The following MCF2L2 variants were observed in gnomAD, a reference collection of about 807,000 sequenced individuals.
MCF2L2 encodes the protein MCF.2 cell line derived transforming sequence-like 2.
Under a neutral mutation model 150.2 loss-of-function variants are expected in MCF2L2, and 102 were observed. The observed-to-expected ratio is 0.68, with a 90% CI of 0.58 to 0.80. MCF2L2 has a LOEUF of 0.80. Ranked by LOEUF, MCF2L2 falls within the 30% of genes least tolerant of loss-of-function variation. The pLI is 0.00. For missense variants in MCF2L2, 1,256 were observed against 1,372.8 expected, an observed-to-expected ratio of 0.91 and a Z score of 1.34; for synonymous variants, 465 against 491.3, an observed-to-expected ratio of 0.95 and a Z score of 0.71.
intron 22 of MCF2L2, among the ~76,000 whole-genome samples, chr3:183,209,746 C>A (rs1008226625): frequency 2.0e-5 from 3 of 152,164 alleles, no homozygotes; most frequent in Non-Finnish European, 4.4e-5. Context: ...ACCTCAGCCT[C>A]CCAAAGTGCT....
chr3:183,371,465 CT>C (rs56835227), intron 3 of MCF2L2, among the ~76,000 whole-genome samples: 1,367 of 126,014 alleles, frequency 0.011, 16 homozygotes, highest in East Asian at 0.069. Flanking sequence ...TCTGAGAAGC[CT>C]TTTTTTTTTT....
intron 3 of MCF2L2, among the ~76,000 whole-genome samples, chr3:183,365,730 T>C (rs186204449): frequency 1.3e-5 from 2 of 152,148 alleles, no homozygotes; most frequent in Non-Finnish European, 2.9e-5. Flanking sequence ...AAAATTCAGA[T>C]ACAATAAAAG....
chr3:183,392,238 C>G (rs1714196204), intron 1 of MCF2L2, among the ~76,000 whole-genome samples: 1 of 152,188 alleles, frequency 6.6e-6, no homozygotes, highest in Non-Finnish European at 1.5e-5. Flanking sequence ...TTTCAAATGA[C>G]AACATGGAGA....
Position 183,181,391 on chromosome 3 carries a change from AG to A in MCF2L2, c.3017-1233del, listed in dbSNP as rs1721515614. The stretch of plus-strand genomic sequence containing the variant: ...TCCTGCCTGACTCTGGCAGGCTCCG[AG>A]GGGGCTGGACACCCTCCTCTCAGGT... On this transcript the variant is annotated intron_variant, in intron 27 of 29. Coordinates refer to ENST00000328913, the MANE Select transcript of MCF2L2 (RefSeq NM_015078.4). This position sits in a 1 kb window ranked among gnomAD's most constrained non-coding sequence, Gnocchi z 4.3. 5.3e-5 allele frequency among the ~76,000 whole-genome samples: 8 copies of A among 151,736 alleles called. No individual in the cohort carries two copies. The South Asian group carries it at 1.7e-3, about 32-fold the overall frequency.
At chr3:183,218,304 C>G (rs1723018776) in intron 21 of MCF2L2, among the ~76,000 whole-genome samples, 1 of 152,204 alleles carries the variant, frequency 6.6e-6, no homozygotes. Context: ...AGAAAACAGA[C>G]TCTCACCTGA....
chr3:183,297,145 C>A lies in MCF2L2; in HGVS notation c.1328G>T (p.Gly443Val), dbSNP rs776017101. 6.2e-7 allele frequency: 1 copy of A among 1,614,056 alleles called. No individual in the cohort carries two copies. Among genetic ancestry groups the A allele is most frequent in the African/African-American group, 1.3e-5 (1 of 75,036 alleles). Reference protein sequence around the residue: ...LDKVSQWCEAGIYLLASQAVD... With the variant: ...LDKVSQWCEAVIYLLASQAVD... ...AGCTTGGGAAGCCAAGAGGTAGATT[C>A]CTGCCTCACACCATTGGCTGACCTT... is the stretch of plus-strand genomic sequence containing the variant. The change falls in exon 12 of 30, where the codon GGA (glycine) becomes GTA (valine). Residue 443 changes from glycine (G) to valine (V), a missense_variant. By Grantham distance (109) the Gly-to-Val change is moderately radical. Transcript: ENST00000328913.
At chr3:183,353,368 C>T (rs892456299) in intron 3 of MCF2L2, among the ~76,000 whole-genome samples, 15 of 152,168 alleles carry the variant, frequency 9.9e-5, no homozygotes, top group Non-Finnish European at 1.2e-4. Context: ...CTGCAAGATG[C>T]CCACCCAGTT....
chr3:183,191,826 GTTTA>G (rs1031312596), intron 27 of MCF2L2, among the ~76,000 whole-genome samples: 4 of 151,946 alleles, frequency 2.6e-5, no homozygotes, highest in African/African-American at 4.8e-5. Context: ...GCCATTGTTT[GTTTA>G]TTTATTTATT....
Position 183,305,039 on chromosome 3 carries a change from A to C in MCF2L2, c.1113+4677T>G, listed in dbSNP as rs149124855. Reference sequence around the variant, plus strand: ...CCAGGCACTGTTCTGAATGCTTTACATTTGCTTATTTCCTTAACTCTTCAC... The same window carrying C: ...CCAGGCACTGTTCTGAATGCTTTACCTTTGCTTATTTCCTTAACTCTTCAC... On this transcript the variant is annotated intron_variant, in intron 10 of 29. Coordinates refer to ENST00000328913, the MANE Select transcript of MCF2L2 (RefSeq NM_015078.4). This position sits in a 1 kb window ranked among gnomAD's most constrained non-coding sequence, Gnocchi z 4.1. Among the ~76,000 whole-genome samples the C allele has an allele frequency of 7.0e-3, 1,067 of 152,214 alleles. 12 individuals are homozygous for C. The highest frequency in any genetic ancestry group is 0.024 in the African/African-American group (981 of 41,536).
chr3:183,404,418 C>T (rs1240318266), intron 1 of MCF2L2, among the ~76,000 whole-genome samples: 1 of 152,202 alleles, frequency 6.6e-6, no homozygotes, highest in Non-Finnish European at 1.5e-5. Context: ...CATACAAAAT[C>T]ACAAGTGCTG....
At chr3:183,213,212 C>G (rs1290507276) in intron 22 of MCF2L2, among the ~76,000 whole-genome samples, 1 of 145,236 alleles carries the variant, frequency 6.9e-6, no homozygotes, top group East Asian at 2.0e-4. Flanking sequence ...CCTGGCAAGT[C>G]AGAATTTAAA....
intron 3 of MCF2L2, chr3:183,375,259 G>A (rs1000138457): frequency 2.0e-5 from 3 of 152,172 alleles, no homozygotes. Flanking sequence ...TCCTCCTTTT[G>A]CTTTCTGAGG....
chr3:183,424,678 T>C (rs1288625693), intron 1 of MCF2L2, among the ~76,000 whole-genome samples: 2 of 152,172 alleles, frequency 1.3e-5, no homozygotes, highest in East Asian at 3.9e-4. Flanking sequence ...GAACAAAGCT[T>C]ACTTTGGAAT....
chr3:183,347,491 C>T (rs187524769), intron 3 of MCF2L2, among the ~76,000 whole-genome samples: 24 of 152,238 alleles, frequency 1.6e-4, no homozygotes, highest in South Asian at 6.2e-4. Context: ...AGGACATAGG[C>T]GTGGCAAAGA....
intron 3 of MCF2L2, among the ~76,000 whole-genome samples, chr3:183,343,991 A>G (rs944650459): frequency 6.6e-6 from 1 of 152,026 alleles, no homozygotes; most frequent in African/African-American, 2.4e-5. Flanking sequence ...AGCAACAACA[A>G]GATACTATCT....
At chr3:183,344,982 C>A (rs1730843733) in intron 3 of MCF2L2, among the ~76,000 whole-genome samples, 1 of 152,120 alleles carries the variant, frequency 6.6e-6, no homozygotes. Context: ...TACTGGGAGA[C>A]TTTAACACCC....
chr3:183,188,576 T>G (rs767128110), intron 27 of MCF2L2, among the ~76,000 whole-genome samples: 1 of 152,194 alleles, frequency 6.6e-6, no homozygotes, highest in Admixed American at 6.5e-5. Context: ...GTCCCACTAC[T>G]CTGTCAGGCA....
intron 15 of MCF2L2, among the ~76,000 whole-genome samples, chr3:183,274,470 G>A (rs1727038424): frequency 6.6e-6 from 1 of 152,106 alleles, no homozygotes; most frequent in African/African-American, 2.4e-5. Context: ...CATGTAATGT[G>A]CTCTCATCTG....
At chr3:183,400,325 C>T in intron 1 of MCF2L2, 1 of 435,338 alleles carries the variant, frequency 2.3e-6, no homozygotes, top group South Asian at 1.6e-5. Flanking sequence ...ATACATAAAA[C>T]ACATGCATCC....
Sources: gnomAD v4.1 joint callset for allele counts (sites outside exome capture counted in the v4.1 genomes callset) on GRCh38, gnomAD v4.1.1 for gene constraint, Gnocchi (gnomAD v3.1) non-coding constraint, MANE v1.5 for transcripts, NCBI Gene and HGNC (gene_info 2026-07-23, HGNC 2026-07-21) for gene names.